The following EXT1 variants were observed in gnomAD, a reference collection of about 807,000 sequenced individuals.
EXT1 encodes exostosin glycosyltransferase 1.
A neutral mutation model predicts 82.5 loss-of-function variants in EXT1; 20 were observed. That is an observed-to-expected ratio of 0.24 (90% CI 0.17 to 0.35). The LOEUF is 0.35. EXT1 is among the 10% of genes least tolerant of loss of function. EXT1 has a pLI of 1.00. For missense variants in EXT1, 757 were observed against 936.5 expected, an observed-to-expected ratio of 0.81 and a Z score of 2.50; for synonymous variants, 348 against 350.8, an observed-to-expected ratio of 0.99 and a Z score of 0.09.
chr8:118,028,556 T>C (rs1816243420), intron 1 of EXT1, among the ~76,000 whole-genome samples: 1 of 151,888 alleles, frequency 6.6e-6, no homozygotes, highest in African/African-American at 2.4e-5. Context: ...ATTATATACA[T>C]ATGACTAACA....
At chr8:117,893,662 C>T (rs1011541937) in intron 1 of EXT1, among the ~76,000 whole-genome samples, 12 of 152,340 alleles carry the variant, frequency 7.9e-5, no homozygotes, top group South Asian at 4.1e-4. Flanking sequence ...CCGCCTTTCG[C>T]TGCAGCCTGG....
chr8:117,997,115 C>T (rs1035856887), intron 1 of EXT1, among the ~76,000 whole-genome samples: 1 of 151,936 alleles, frequency 6.6e-6, no homozygotes, highest in Admixed American at 6.6e-5. Context: ...CTCTCAAAAT[C>T]CTCAATTGCA....
intron 7 of EXT1, among the ~76,000 whole-genome samples, chr8:117,816,541 A>C (rs1358383671): frequency 6.6e-6 from 1 of 152,196 alleles, no homozygotes; most frequent in Non-Finnish European, 1.5e-5. Flanking sequence ...CACTGGATTC[A>C]GTGCCCAAGG....
rs560373626 is a variant in EXT1, at chr8:118,090,552, C to T, written c.962+19533G>A. 1.1e-3 allele frequency among the ~76,000 whole-genome samples: 163 copies of T among 151,950 alleles called. 1 individual carries two copies. The highest frequency in any genetic ancestry group is 9.7e-4 in the Non-Finnish European group (66 of 67,958). On this transcript the variant is annotated intron_variant, in intron 1 of 10. Coordinates refer to ENST00000378204, the MANE Select transcript of EXT1 (RefSeq NM_000127.3). The stretch of plus-strand genomic sequence containing the variant: ...CAGCACTTTGGGAGGCCGAGGCAGG[C>T]AGAACACCTAAGGTCAGGAGTTCAA...
chr8:117,885,175 C>T (rs1813125099), intron 1 of EXT1, among the ~76,000 whole-genome samples: 2 of 152,176 alleles, frequency 1.3e-5, no homozygotes, highest in African/African-American at 4.8e-5. Context: ...TATATAATAA[C>T]TTCCCTCTAA....
chr8:118,088,376 C>G (rs1414884243), intron 1 of EXT1, among the ~76,000 whole-genome samples: 2 of 152,046 alleles, frequency 1.3e-5, no homozygotes, highest in Non-Finnish European at 2.9e-5. Flanking sequence ...GAACCAGGTT[C>G]ATTTCTGCTA....
chr8:117,938,323 A>G (rs1258619559), intron 1 of EXT1, among the ~76,000 whole-genome samples: 1 of 152,112 alleles, frequency 6.6e-6, no homozygotes, highest in African/African-American at 2.4e-5. Flanking sequence ...TTAGCTGGGC[A>G]TGGTGGCGGG....
chr8:117,861,488 C>CT (rs755653091), intron 1 of EXT1, among the ~76,000 whole-genome samples: 38,637 of 86,934 alleles, frequency 0.44, 10,326 homozygotes, highest in Non-Finnish European at 0.55. Context: ...AAGTTTTTAT[C>CT]TTTTTTTTTT....
chr8:118,080,868 T>C (rs541454658), intron 1 of EXT1, among the ~76,000 whole-genome samples: 2 of 152,154 alleles, frequency 1.3e-5, no homozygotes. Context: ...CCATTCTGGT[T>C]TCTTCACTAA....
chr8:118,004,347 C>T (rs2129817650), intron 1 of EXT1, among the ~76,000 whole-genome samples: 1 of 152,332 alleles, frequency 6.6e-6, no homozygotes, highest in African/African-American at 2.4e-5. Flanking sequence ...GTGTGTTTTA[C>T]TGTTGCATCT....
intron 1 of EXT1, among the ~76,000 whole-genome samples, chr8:117,873,676 G>C (rs2129900429): frequency 6.6e-6 from 1 of 152,194 alleles, no homozygotes; most frequent in African/African-American, 2.4e-5. Flanking sequence ...GTCTGGTCTT[G>C]AAATCCTGGC....
At chr8:117,857,363 C>G (rs1812583084) in intron 1 of EXT1, among the ~76,000 whole-genome samples, 1 of 152,080 alleles carries the variant, frequency 6.6e-6, no homozygotes, top group East Asian at 1.9e-4. Flanking sequence ...CAAGACCAAC[C>G]TGGGCAACAT....
chr8:118,102,868 A>C (rs1817745681), intron 1 of EXT1, among the ~76,000 whole-genome samples: 1 of 152,158 alleles, frequency 6.6e-6, no homozygotes, highest in East Asian at 1.9e-4. Flanking sequence ...TTGAAAGACA[A>C]GGTCGGCCGG....
At chr8:117,879,069 G>A (rs1248687120) in intron 1 of EXT1, among the ~76,000 whole-genome samples, 1 of 152,162 alleles carries the variant, frequency 6.6e-6, no homozygotes, top group African/African-American at 2.4e-5. Context: ...CATTTCATTG[G>A]CCAAAGCAGA....
At chr8:117,864,333 T>C (rs1479587914) in intron 1 of EXT1, among the ~76,000 whole-genome samples, 2 of 152,202 alleles carry the variant, frequency 1.3e-5, no homozygotes, top group African/African-American at 4.8e-5. Context: ...TTTGCTTGCC[T>C]TTTTTGGGAA....
intron 1 of EXT1, among the ~76,000 whole-genome samples, chr8:117,923,153 C>T (rs996374793): frequency 3.3e-5 from 5 of 151,830 alleles, no homozygotes; most frequent in Admixed American, 2.0e-4. Context: ...GGTGAAACCC[C>T]GTCTTTACTA....
intron 1 of EXT1, among the ~76,000 whole-genome samples, chr8:117,845,312 C>T (rs1812335268): frequency 6.6e-6 from 1 of 152,182 alleles, no homozygotes; most frequent in African/African-American, 2.4e-5. Flanking sequence ...TGGACTCAAA[C>T]ATCTTGACTG....
In EXT1 at chr8:117,799,782, A is replaced by G. The variant is rs758347621; in HGVS notation, c.2171T>C (p.Leu724Pro). ...CTGGTCTTTAAAGAGGACGGGGTCG[A>G]GCCTCATCTGAGAGTGGATCAGCGG... is the stretch of plus-strand genomic sequence containing the variant. Reference protein sequence around the residue: ...YMPLIHSQMRLDPVLFKDQVS... With the variant: ...YMPLIHSQMRPDPVLFKDQVS... Residue 724 changes from leucine (L) to proline (P), a missense_variant, in exon 11 of 11, where the codon CTC becomes CCC. Transcript: ENST00000378204. The G allele has an allele frequency of 1.8e-5, 29 of 1,614,054 alleles. No homozygotes were observed. The highest frequency in any genetic ancestry group is 2.3e-5 in the Non-Finnish European group (27 of 1,180,046).
chr8:117,856,252 CTTT>C (rs941357298), intron 1 of EXT1, among the ~76,000 whole-genome samples: 10 of 135,620 alleles, frequency 7.4e-5, no homozygotes, highest in East Asian at 2.2e-4. Context: ...AAGGCTTTTT[CTTT>C]TTTTTTTTTT....
Sources: gnomAD v4.1 joint callset for allele counts (sites outside exome capture counted in the v4.1 genomes callset) on GRCh38, gnomAD v4.1.1 for gene constraint, MANE v1.5 for transcripts, NCBI Gene and HGNC (gene_info 2026-07-23, HGNC 2026-07-21) for gene names.